RYR2: variants seen among roughly 807,000 people sequenced by gnomAD.
RYR2 encodes the protein cardiac muscle ryanodine receptor-calcium release channel.
Under a neutral mutation model 601.1 loss-of-function variants are expected in RYR2, and 227 were observed. That is an observed-to-expected ratio of 0.38 (90% CI 0.34 to 0.42). The LOEUF (loss-of-function observed/expected upper bound fraction) is 0.42. RYR2 is among the 10% of genes least tolerant of loss of function. The probability of loss-of-function intolerance (pLI) is 1.00; values close to 1 mark genes in which losing one functional copy is unlikely to be tolerated. For synonymous variants in RYR2, 2,223 were observed against 2,175.1 expected (o/e 1.02, Z -0.61); for missense variants, 4,646 against 6,156.5 (o/e 0.75, Z 8.21).
chr1:237,800,887 C>T (rs1659881597), intron 97 of RYR2, among the ~76,000 whole-genome samples: 1 of 152,046 alleles, frequency 6.6e-6, no homozygotes, highest in African/African-American at 2.4e-5. Flanking sequence ...CATATAACCA[C>T]CTACATGCAT....
intron 1 of RYR2, among the ~76,000 whole-genome samples, chr1:237,187,653 A>G (rs1679518548): frequency 6.6e-6 from 1 of 151,796 alleles, no homozygotes; most frequent in African/African-American, 2.4e-5. Flanking sequence ...TATGTTACCC[A>G]GGCTGGTATT....
At chr1:237,153,368 G>A (rs1261465658) in intron 1 of RYR2, among the ~76,000 whole-genome samples, 1 of 152,142 alleles carries the variant, frequency 6.6e-6, no homozygotes, top group African/African-American at 2.4e-5. Flanking sequence ...CAGAAGACAG[G>A]GTCTTCCCTA....
chr1:237,066,854 G>A (rs1029084871), intron 1 of RYR2, among the ~76,000 whole-genome samples: 10 of 152,108 alleles, frequency 6.6e-5, no homozygotes, highest in African/African-American at 1.9e-4. Flanking sequence ...TGTTAGGATG[G>A]TCTCGATCTC....
At position 237,641,019 on chromosome 1, in the gene RYR2, T is replaced by A. The variant is rs774076857; in HGVS notation, c.7221+17T>A. 14 of 1,582,596 alleles carry A rather than the reference T, an allele frequency of 8.8e-6. No individual in the cohort carries two copies. The highest frequency in any genetic ancestry group is 8.6e-7 in the Non-Finnish European group (1 of 1,157,324). ...GAGATGCATGTGAGTTTCTGGGAGTTCAGGAGCAGCAATCCTGATTTCTCT... is the reference window on the plus strand; with the variant it reads ...GAGATGCATGTGAGTTTCTGGGAGTACAGGAGCAGCAATCCTGATTTCTCT... On this transcript the variant is annotated intron_variant, in intron 47 of 104. Transcript: ENST00000366574.
chr1:237,648,529 T>A lies in RYR2; in HGVS notation c.7428T>A (p.Tyr2476Ter). 1 of 1,611,696 alleles carries A rather than the reference T, an allele frequency of 6.2e-7. No individual in the cohort carries two copies. The highest frequency in any genetic ancestry group is 8.5e-7 in the Non-Finnish European group (1 of 1,178,852). ...AAMVLFLDRV[Y>*]GIEVQDFLLH... Reference sequence around the variant, plus strand: ...TGGTTTTATTCCTTGACAGGGTCTATGGGATTGAGGTTCAAGACTTCCTCC... The same window carrying A: ...TGGTTTTATTCCTTGACAGGGTCTAAGGGATTGAGGTTCAAGACTTCCTCC... Residue 2476 changes from tyrosine (Y) to a stop codon, truncating the protein, a stop_gained, in exon 49 of 105, where the codon TAT becomes TAA. Transcript: ENST00000366574. LOFTEE classifies it high-confidence loss of function.
chr1:237,149,688 G>C (rs1674487182), intron 1 of RYR2, among the ~76,000 whole-genome samples: 1 of 152,116 alleles, frequency 6.6e-6, no homozygotes, highest in African/African-American at 2.4e-5. Flanking sequence ...TATTTGATTA[G>C]TTTAACTTTT....
chr1:237,730,111 A>G (rs1690543253), intron 76 of RYR2, 149 bp from the exon 77 acceptor site: 1 of 572,644 alleles, frequency 1.7e-6, no homozygotes, highest in South Asian at 2.3e-5. Flanking sequence ...TGCAAGAAGC[A>G]TTGTCTTTCA....
chr1:237,389,059 C>G (rs1221124799), intron 10 of RYR2, among the ~76,000 whole-genome samples: 2 of 152,176 alleles, frequency 1.3e-5, no homozygotes, highest in Admixed American at 6.5e-5. Flanking sequence ...GTCTTAACCT[C>G]TGTTCCCAGG....
intron 24 of RYR2, among the ~76,000 whole-genome samples, chr1:237,514,321 T>A (rs1477435860): frequency 6.6e-6 from 1 of 152,236 alleles, no homozygotes; most frequent in Non-Finnish European, 1.5e-5. Flanking sequence ...GTTGTGCCTT[T>A]GACTATTACA....
intron 2 of RYR2, among the ~76,000 whole-genome samples, chr1:237,295,515 A>T (rs1692666770): frequency 1.3e-5 from 2 of 152,216 alleles, no homozygotes; most frequent in South Asian, 4.1e-4. Flanking sequence ...ACTTAAAAAG[A>T]CATTGAAATG....
chr1:237,742,182 A>G, intron 79 of RYR2, 114 bp from the exon 80 acceptor site: 1 of 702,278 alleles, frequency 1.4e-6, no homozygotes, highest in Non-Finnish European at 2.4e-6. Flanking sequence ...TGTTTAAACA[A>G]GGTTGATGAT....
intron 1 of RYR2, among the ~76,000 whole-genome samples, chr1:237,217,059 C>T (rs1683268495): frequency 6.6e-6 from 1 of 152,200 alleles, no homozygotes; most frequent in Admixed American, 6.5e-5. Context: ...AGGGCTCCTA[C>T]AAAATTGGTT....
chr1:237,692,191 A>C (rs1383233692), intron 63 of RYR2, among the ~76,000 whole-genome samples: 7 of 152,328 alleles, frequency 4.6e-5, no homozygotes, highest in Middle Eastern at 3.4e-3. Flanking sequence ...TACTCATTTT[A>C]TGCATTCATT....
chr1:237,179,262 T>G (rs1470830556), intron 1 of RYR2, among the ~76,000 whole-genome samples: 1 of 151,136 alleles, frequency 6.6e-6, no homozygotes, highest in Non-Finnish European at 1.5e-5. Flanking sequence ...TTAGAGCTTG[T>G]TGGACAAAGA....
At chr1:237,364,491 A>AG in intron 5 of RYR2, 119 bp downstream of exon 5, 2 of 416,250 alleles carry the variant, frequency 4.8e-6, no homozygotes, top group Non-Finnish European at 8.5e-6. Context: ...ACAGATATAT[A>AG]TATTACTATA....
chr1:237,126,785 T>G (rs1671484877), intron 1 of RYR2, among the ~76,000 whole-genome samples: 1 of 152,058 alleles, frequency 6.6e-6, no homozygotes. Context: ...ATTTATTTAT[T>G]TTTTTAAATT....
chr1:237,770,783 TTGA>T, intron 84 of RYR2, 21 bp from the exon 85 acceptor site: 2 of 1,508,236 alleles, frequency 1.3e-6, no homozygotes, highest in Non-Finnish European at 1.8e-6. Context: ...CTGGTAATGT[TTGA>T]TCCCTCTGGA....
intron 96 of RYR2, among the ~76,000 whole-genome samples, chr1:237,795,858 A>ATATG (rs373344018): frequency 0.1 from 13,967 of 134,582 alleles, 1,094 homozygotes; most frequent in African/African-American, 0.25. Flanking sequence ...ATGTATATGT[A>ATATG]TATATATATA....
At chr1:237,416,303 C>T (rs563085719) in intron 10 of RYR2, among the ~76,000 whole-genome samples, 24 of 152,260 alleles carry the variant, frequency 1.6e-4, no homozygotes, top group African/African-American at 5.8e-4. Flanking sequence ...GAGAGGAAGA[C>T]AGTTAACACT....
Sources: gnomAD v4.1 joint callset for allele counts (sites outside exome capture counted in the v4.1 genomes callset) on GRCh38, gnomAD v4.1.1 for gene constraint, MANE v1.5 for transcripts, NCBI Gene and HGNC (gene_info 2026-07-23, HGNC 2026-07-21) for gene names.